The following ZNF701 variants were observed in gnomAD, a reference collection of about 807,000 sequenced individuals.
ZNF701 encodes zinc finger protein 701.
In ZNF701, 6 loss-of-function variants were observed where a neutral mutation model predicts 7.1. The observed-to-expected ratio is 0.84, with a 90% CI of 0.46 to 1.66. ZNF701 has a LOEUF of 1.66. Ranked by LOEUF, ZNF701 falls within the 40% of genes most tolerant of loss-of-function variation. The pLI is 0.01. For missense variants in ZNF701, 541 were observed against 559.2 expected (o/e 0.97, Z 0.33); for synonymous variants, 166 against 188.2 (o/e 0.88, Z 0.97).
chr19:52,590,878 T>A (rs2060034139), downstream of ZNF701, among the ~76,000 whole-genome samples: 1 of 152,194 alleles, frequency 6.6e-6, no homozygotes, highest in South Asian at 2.1e-4. Flanking sequence ...TCTCATTCTG[T>A]CATCAGGCTA....
Position 52,572,502 on chromosome 19 carries a change from G to C in ZNF701, c.-71-1575G>C, listed in dbSNP as rs554171916. ...GTTTCTTTATCCCAGGTATGTGAAA[G>C]AGGCTTCTCTAATTTTCAAGGATAG... is the stretch of plus-strand genomic sequence containing the variant. On this transcript the variant is annotated intron_variant, in intron 1 of 3. Transcript: ENST00000391785. 316 of 852,190 alleles carry C rather than the reference G, an allele frequency of 3.7e-4. 2 individuals carry two copies. The South Asian group carries it at 5.0e-3, about 14-fold the overall frequency. The allele number at this position is 852,190 out of a possible 1,614,324, so 52.8% of individuals were successfully genotyped here.
chr19:52,597,727 C>G, the ZNF701 span: 1 of 224,584 alleles, frequency 4.5e-6, no homozygotes, highest in Non-Finnish European at 9.0e-6. Context: ...AATGAGGAGG[C>G]TGCCTGGAGG....
chr19:52,578,907 G>A (rs986577309), intron 3 of ZNF701, among the ~76,000 whole-genome samples: 9 of 151,658 alleles, frequency 5.9e-5, no homozygotes, highest in African/African-American at 1.5e-4. Flanking sequence ...ACAGGCTCCC[G>A]CCACCGCGCC....
the ZNF701 span, chr19:52,596,067 C>T: frequency 7.9e-7 from 1 of 1,263,930 alleles, no homozygotes; most frequent in South Asian, 1.2e-5. Flanking sequence ...TTCCTCTATT[C>T]TTCATTATTC....
At chr19:52,574,305 C>T (rs2059919221) in intron 2 of ZNF701, 143 bp downstream of exon 2, 2 of 1,393,570 alleles carry the variant, frequency 1.4e-6, no homozygotes, top group Non-Finnish European at 1.0e-6. Flanking sequence ...CAGTCCCTGT[C>T]ATCTCACTTA....
chr19:52,597,421 G>A, the ZNF701 span: 1 of 513,606 alleles, frequency 1.9e-6, no homozygotes, highest in Admixed American at 2.0e-5. Context: ...TGAGATAACT[G>A]TTCCAAATAC....
At chr19:52,576,606 G>T (rs1015074941) in intron 3 of ZNF701, among the ~76,000 whole-genome samples, 1 of 145,886 alleles carries the variant, frequency 6.9e-6, no homozygotes, top group Non-Finnish European at 1.5e-5. Context: ...TGCTTTTCCT[G>T]TGCTTTCGAT....
the ZNF701 span, chr19:52,596,794 A>G: frequency 1.1e-5 from 6 of 535,782 alleles, no homozygotes; most frequent in Non-Finnish European, 2.3e-5. Flanking sequence ...CATGTAATGA[A>G]TGTGGCAAGG....
chr19:52,595,128 C>G, the ZNF701 span, among the ~76,000 whole-genome samples: 1 of 152,098 alleles, frequency 6.6e-6, no homozygotes, highest in African/African-American at 2.4e-5. Context: ...ATTACAGCCG[C>G]CCACCACCAT....
At chr19:52,577,191 C>T (rs2059940315) in intron 3 of ZNF701, among the ~76,000 whole-genome samples, 1 of 152,156 alleles carries the variant, frequency 6.6e-6, no homozygotes, top group East Asian at 1.9e-4. Context: ...CCTCCACCTC[C>T]CAGGCTCAAA....
the ZNF701 span, among the ~76,000 whole-genome samples, chr19:52,600,069 A>G: frequency 6.6e-6 from 1 of 152,158 alleles, no homozygotes; most frequent in Admixed American, 6.5e-5. Flanking sequence ...TCTGATTTCA[A>G]ACTCTTAGCT....
chr19:52,575,353 T>C lies in ZNF701; in HGVS notation c.16-542T>C, dbSNP rs530570197. Among the ~76,000 whole-genome samples, 28 of 152,136 alleles carry C rather than the reference T, an allele frequency of 1.8e-4. No homozygotes were observed. In the South Asian group the frequency reaches 5.6e-3, roughly 30 times the overall value. On this transcript the variant is annotated intron_variant, in intron 2 of 3. Transcript: ENST00000391785. ...ACATATATACATACACATACATATATACACACACACATATGTATATATTTT... is the reference window on the plus strand; with the variant it reads ...ACATATATACATACACATACATATACACACACACACATATGTATATATTTT...
At chr19:52,575,628 T>A (rs1436704573) in intron 2 of ZNF701, 1 of 354,150 alleles carries the variant, frequency 2.8e-6, no homozygotes, top group East Asian at 7.3e-5. Context: ...GCCTTCCAAG[T>A]AGTTGGGACA....
At chr19:52,579,085 T>C (rs1163236707) in intron 3 of ZNF701, among the ~76,000 whole-genome samples, 4 of 143,116 alleles carry the variant, frequency 2.8e-5, no homozygotes, top group Admixed American at 2.0e-4. Context: ...AAGTGTGTTG[T>C]ATAGATAAAA....
intron 1 of ZNF701, among the ~76,000 whole-genome samples, chr19:52,571,228 CAG>C (rs1022466010): frequency 7.2e-6 from 1 of 139,300 alleles, no homozygotes; most frequent in Admixed American, 7.9e-5. Flanking sequence ...GGAGGCTCAT[CAG>C]AGTGAGAGAG....
chr19:52,579,520 CAAAAAAAAA>C (rs34682718), intron 3 of ZNF701, among the ~76,000 whole-genome samples: 24 of 60,176 alleles, frequency 4.0e-4, no homozygotes, highest in Middle Eastern at 0.011. Flanking sequence ...AACTCTGTCT[CAAAAAAAAA>C]AAAAAAAAAA....
At chr19:52,570,556 AC>A (rs1163074462) in intron 1 of ZNF701, 2 of 152,122 alleles carry the variant, frequency 1.3e-5, no homozygotes, top group African/African-American at 2.4e-5. Context: ...CGCTGTATAC[AC>A]TTCCTATCGC....
At chr19:52,592,575 G>A in the ZNF701 span, among the ~76,000 whole-genome samples, 1 of 152,132 alleles carries the variant, frequency 6.6e-6, no homozygotes, top group African/African-American at 2.4e-5. Flanking sequence ...GTTTCCAGCT[G>A]CGCTTGTGGT....
chr19:52,588,154 G>A (rs2060022468), downstream of ZNF701, among the ~76,000 whole-genome samples: 1 of 151,840 alleles, frequency 6.6e-6, no homozygotes, highest in Non-Finnish European at 1.5e-5. Flanking sequence ...TCTCCCCTGT[G>A]TGTGTGTTTT....
Sources: gnomAD v4.1 joint callset for allele counts (sites outside exome capture counted in the v4.1 genomes callset) on GRCh38, gnomAD v4.1.1 for gene constraint, MANE v1.5 for transcripts, NCBI Gene and HGNC (gene_info 2026-07-23, HGNC 2026-07-21) for gene names.